FMN1: variants seen among roughly 807,000 people sequenced by gnomAD.
The protein encoded by FMN1 is formin 1, also known as formin-1.
Under a neutral mutation model 132.4 loss-of-function variants are expected in FMN1, and 110 were observed. The observed-to-expected ratio is 0.83, with a 90% confidence interval of 0.71 to 0.97. FMN1 has a LOEUF of 0.97. Among genes scored for constraint, FMN1 ranks in the 50% least tolerant of loss-of-function variants. The pLI is 0.00. For synonymous variants in FMN1, 722 were observed against 651.7 expected, an observed-to-expected ratio of 1.11 and a Z score of -1.64; for missense variants, 1,792 against 1,705.3, an observed-to-expected ratio of 1.05 and a Z score of -0.90.
rs77505552 is a variant in FMN1 at position 33,086,655 on chromosome 15, C to A, written c.2043+2144G>T. On this transcript the variant is annotated intron_variant, in intron 5 of 20. Transcript: ENST00000616417. ...TTTTACACTGTAGGCCTGCTGTTTG[C>A]GGCAAATGCAACTTAAAGTAATTGA... Among the ~76,000 whole-genome samples the A allele has an allele frequency of 4.5e-3, 681 of 152,272 alleles. 6 individuals are homozygous for A. Among genetic ancestry groups the A allele is most frequent in the African/African-American group, 0.016 (658 of 41,544 alleles).
chr15:32,987,843 A>G (rs986520291), intron 7 of FMN1, among the ~76,000 whole-genome samples: 1 of 152,156 alleles, frequency 6.6e-6, no homozygotes, highest in African/African-American at 2.4e-5. Context: ...GAGCTCATAA[A>G]AGGGGAAACA....
intron 16 of FMN1, among the ~76,000 whole-genome samples, chr15:32,886,370 C>T (rs117600752): frequency 2.6e-5 from 4 of 152,194 alleles, no homozygotes; most frequent in East Asian, 1.9e-4. Context: ...TTCCTAAGGC[C>T]GCTCTACCTG....
chr15:33,029,741 GAC>G (rs1214475388), intron 6 of FMN1, among the ~76,000 whole-genome samples: 2 of 152,110 alleles, frequency 1.3e-5, no homozygotes, highest in East Asian at 1.9e-4. Flanking sequence ...AGAGCTGACA[GAC>G]ACAGAGAAAA....
At chr15:32,826,147 TAGC>T (rs1391955051) in intron 17 of FMN1, among the ~76,000 whole-genome samples, 3 of 152,218 alleles carry the variant, frequency 2.0e-5, no homozygotes, top group African/African-American at 7.2e-5. Flanking sequence ...ATCACTGACT[TAGC>T]AGTGGGGTCC....
chr15:33,030,781 T>G (rs571896221), intron 6 of FMN1, among the ~76,000 whole-genome samples: 32 of 152,204 alleles, frequency 2.1e-4, no homozygotes, highest in Admixed American at 2.0e-3. Context: ...ATACATTAGA[T>G]AAAATATATA....
At chr15:32,824,324 A>AGT (rs776991408) in intron 17 of FMN1, among the ~76,000 whole-genome samples, 2 of 152,352 alleles carry the variant, frequency 1.3e-5, no homozygotes, top group South Asian at 4.1e-4. Context: ...TGGTCCTCTT[A>AGT]GTGCGTGCTT....
intron 6 of FMN1, chr15:33,064,132 T>G (rs867965174): frequency 6.6e-6 from 1 of 152,118 alleles, no homozygotes; most frequent in Non-Finnish European, 1.5e-5. Flanking sequence ...TGTCTATCAA[T>G]GAACAGGAAT....
At chr15:33,147,993 A>G (rs1458580313) in intron 4 of FMN1, among the ~76,000 whole-genome samples, 1 of 152,226 alleles carries the variant, frequency 6.6e-6, no homozygotes, top group African/African-American at 2.4e-5. Flanking sequence ...CAGGACTTCT[A>G]ATTCACTTTC....
chr15:32,913,740 T>C (rs2140288977), intron 10 of FMN1, among the ~76,000 whole-genome samples: 1 of 152,346 alleles, frequency 6.6e-6, no homozygotes, highest in East Asian at 1.9e-4. Flanking sequence ...CAGTAGACTG[T>C]GAAAGCCTTG....
intron 4 of FMN1, among the ~76,000 whole-genome samples, chr15:33,128,661 C>T (rs889399882): frequency 3.3e-5 from 5 of 152,176 alleles, no homozygotes; most frequent in East Asian, 1.9e-4. Flanking sequence ...CCGGATGCTC[C>T]GGTGAGTTTG....
chr15:32,964,686 G>A lies in FMN1; in HGVS notation c.2988-429C>T, dbSNP rs564985768. On this transcript the variant is annotated intron_variant, in intron 8 of 20. Transcript: ENST00000616417. ...AATTCTGAAGGAGACTGAAAATGGA[G>A]TACCGAAGTAAAGACCTGCCTCCTC... Among the ~76,000 whole-genome samples the A allele has an allele frequency of 1.6e-3, 250 of 152,312 alleles. 1 individual carries two copies. Among genetic ancestry groups the A allele is most frequent in the African/African-American group, 5.7e-3 (239 of 41,570 alleles).
intron 6 of FMN1, among the ~76,000 whole-genome samples, chr15:33,029,585 AG>A (rs2035840082): frequency 6.6e-6 from 1 of 152,202 alleles, no homozygotes; most frequent in African/African-American, 2.4e-5. Flanking sequence ...AGACAAGGGT[AG>A]GAAGAGCCAA....
chr15:32,884,189 C>T (rs868453213), intron 16 of FMN1, among the ~76,000 whole-genome samples: 4 of 152,106 alleles, frequency 2.6e-5, no homozygotes, highest in Admixed American at 1.3e-4. Flanking sequence ...AAATATATCA[C>T]CTTTTAGTTC....
In FMN1 at chr15:33,086,211, A is replaced by T. The variant is rs1595440396; in HGVS notation, c.2043+2588T>A. Among the ~76,000 whole-genome samples, 3 of 151,644 alleles carry T rather than the reference A, an allele frequency of 2.0e-5. No individual in the cohort carries two copies. In the South Asian group the frequency reaches 6.3e-4, roughly 32 times the overall value. On this transcript the variant is annotated intron_variant, in intron 5 of 20. Transcript: ENST00000616417. ...GGTTGCAGTGAGCCAAGATTATGCC[A>T]CTGCGCTCCAGCCTGAGCGACAGAG...
At chr15:32,873,950 TTTTTA>T (rs1482048320) in intron 16 of FMN1, among the ~76,000 whole-genome samples, 1 of 152,084 alleles carries the variant, frequency 6.6e-6, no homozygotes, top group Non-Finnish European at 1.5e-5. Context: ...ATTAGCCGCC[TTTTTA>T]TTTTTACTCC....
At chr15:32,991,613 T>C (rs1168896634) in intron 7 of FMN1, among the ~76,000 whole-genome samples, 1 of 152,186 alleles carries the variant, frequency 6.6e-6, no homozygotes, top group South Asian at 2.1e-4. Flanking sequence ...AGACTGTTTC[T>C]ATCTAAACAT....
intron 4 of FMN1, among the ~76,000 whole-genome samples, chr15:33,125,312 C>A (rs1448078792): frequency 6.6e-6 from 1 of 152,114 alleles, no homozygotes; most frequent in Admixed American, 6.6e-5. Context: ...CATAGTAAGC[C>A]GTCAAGAAAT....
intron 17 of FMN1, among the ~76,000 whole-genome samples, chr15:32,828,150 T>C (rs1374180998): frequency 6.6e-6 from 1 of 152,106 alleles, no homozygotes; most frequent in East Asian, 1.9e-4. Context: ...AGCAGGTACC[T>C]GTAATCCCAG....
chr15:33,019,380 G>A (rs1296985842), intron 6 of FMN1, among the ~76,000 whole-genome samples: 3 of 152,182 alleles, frequency 2.0e-5, no homozygotes, highest in African/African-American at 7.2e-5. Context: ...CAGACATAAA[G>A]ATTCTCCAAG....
Sources: gnomAD v4.1 joint callset for allele counts (sites outside exome capture counted in the v4.1 genomes callset) on GRCh38, gnomAD v4.1.1 for gene constraint, MANE v1.5 for transcripts, NCBI Gene and HGNC (gene_info 2026-07-23, HGNC 2026-07-21) for gene names.